RASL12: variants seen among roughly 807,000 people sequenced by gnomAD.
RASL12 encodes ras-like protein family member 12.
In RASL12, 16 loss-of-function variants were observed where a neutral mutation model predicts 22.9. That is an observed-to-expected ratio of 0.70 (90% CI 0.47 to 1.06). The LOEUF (loss-of-function observed/expected upper bound fraction) is 1.06, where lower values mean the gene tolerates loss of function less well. Ranked by LOEUF, RASL12 falls within the 50% of genes least tolerant of loss-of-function variation. RASL12 has a pLI of 0.00. For missense variants in RASL12, 306 were observed against 353.1 expected, an observed-to-expected ratio of 0.87 and a Z score of 1.07; for synonymous variants, 159 against 152.2, an observed-to-expected ratio of 1.04 and a Z score of -0.33.
chr15:65,076,495 C>G (rs1295734294), intron 1 of RASL12: 1 of 682,796 alleles, frequency 1.5e-6, no homozygotes, highest in South Asian at 1.6e-5. Context: ...AGGACAGACT[C>G]CAGACACGCT....
downstream of RASL12, chr15:65,053,156 G>A: frequency 6.2e-7 from 1 of 1,613,878 alleles, no homozygotes; most frequent in South Asian, 1.1e-5. Flanking sequence ...ACCAGAAACT[G>A]AGAGCTAGTG....
chr15:65,074,699 C>G (rs1415073320), intron 1 of RASL12, among the ~76,000 whole-genome samples: 2 of 152,220 alleles, frequency 1.3e-5, no homozygotes, highest in East Asian at 3.8e-4. Flanking sequence ...TCCTGGCCTA[C>G]TGGTCCCATT....
At chr15:65,068,063 G>C (rs1169957636), upstream of RASL12, 7 of 1,087,100 alleles carry the variant, frequency 6.4e-6, no homozygotes, top group African/African-American at 1.2e-4. This position sits in a 1 kb window ranked among gnomAD's most constrained non-coding sequence, Gnocchi z 4.2. Context: ...CAAATTCCTT[G>C]TAAGGGCTGC....
At chr15:65,060,442 T>C (rs1414603225) in intron 2 of RASL12, among the ~76,000 whole-genome samples, 3 of 152,242 alleles carry the variant, frequency 2.0e-5, no homozygotes, top group Admixed American at 6.5e-5. Flanking sequence ...GAAATTTACA[T>C]TGATACCATA....
chr15:65,065,309 C>T (rs1269993821), intron 1 of RASL12, 36 bp from the exon 2 acceptor site: 23 of 1,596,052 alleles, frequency 1.4e-5, no homozygotes, highest in Admixed American at 3.5e-5. Context: ...TCCATCTCCG[C>T]GGCCATGTCT....
At chr15:65,052,673 A>G (rs528034721), downstream of RASL12, among the ~76,000 whole-genome samples, 50 of 152,232 alleles carry the variant, frequency 3.3e-4, no homozygotes, top group African/African-American at 1.2e-3. Context: ...CTGGGATTAC[A>G]GGTGTGAGCC....
At position 65,054,942 on chromosome 15, in the gene RASL12, T is replaced by C. The variant is rs750146502; in HGVS notation, c.758A>G (p.Lys253Arg). The stretch of plus-strand genomic sequence containing the variant: ...CTTCAGGAGAGTCAGGGTAGGCGCC[T>C]TGCGCTTGCTCTGGGCCCGGGATGA... ...VKSSRAQSKR[K>R]APTLTLLKGF... Residue 253 changes from lysine to arginine, a missense_variant, in exon 5 of 5, where the codon AAG (lysine) becomes AGG (arginine). Coordinates refer to ENST00000220062, the MANE Select transcript of RASL12 (RefSeq NM_016563.4). 2.5e-6 allele frequency: 4 copies of C among 1,614,182 alleles called. No individual in the cohort carries two copies. The South Asian group carries it at 3.3e-5, about 13-fold the overall frequency.
At chr15:65,074,167 C>G (rs149046312) in intron 1 of RASL12, among the ~76,000 whole-genome samples, 24 of 137,418 alleles carry the variant, frequency 1.7e-4, no homozygotes, top group African/African-American at 6.1e-4. Context: ...GGTCCTGTAC[C>G]CCAGCCTGGC....
chr15:65,053,035 C>G (rs751403585), downstream of RASL12: 14 of 1,614,054 alleles, frequency 8.7e-6, no homozygotes, highest in Non-Finnish European at 1.1e-5. Flanking sequence ...CCAAGGATCA[C>G]AACAGCCTAA....
downstream of RASL12, among the ~76,000 whole-genome samples, chr15:65,050,833 C>CTT (rs67418433): frequency 0.33 from 29,106 of 87,506 alleles, 5,615 homozygotes; most frequent in South Asian, 0.44. Context: ...TCTTCTTCTT[C>CTT]TTCTTTTTTT....
At chr15:65,052,399 CTTTT>C (rs34021026), downstream of RASL12, among the ~76,000 whole-genome samples, 382 of 76,366 alleles carry the variant, frequency 5.0e-3, 1 homozygote, top group African/African-American at 0.018. Context: ...GCATCCTTGG[CTTTT>C]TTTTTTTTTT....
chr15:65,057,625 C>G (rs2086748572), intron 4 of RASL12, among the ~76,000 whole-genome samples: 1 of 152,210 alleles, frequency 6.6e-6, no homozygotes, highest in Non-Finnish European at 1.5e-5. Context: ...CCAACCCTTT[C>G]TAAGAGAACC....
chr15:65,067,861 G>A lies in RASL12; in HGVS notation c.-26C>T, dbSNP rs1422576651. The A allele has an allele frequency of 2.1e-6, 3 of 1,459,424 alleles. No individual in the cohort carries two copies. Among genetic ancestry groups the A allele is most frequent in the African/African-American group, 3.0e-5 (2 of 67,480 alleles). The allele number at this position is 1,459,424 out of a possible 1,614,324, so 90.4% of individuals were successfully genotyped here. ...GGCGACGCCCTGGACGGCCACGCAG[G>A]TCTGCGGCCGGTGGGCCCCGCGCAG... is the stretch of plus-strand genomic sequence containing the variant. On this transcript the variant is annotated 5_prime_UTR_variant, in exon 1 of 5. Coordinates refer to ENST00000220062, the MANE Select transcript of RASL12 (RefSeq NM_016563.4).
exon 1 of RASL12, chr15:65,076,536 G>A: frequency 1.4e-6 from 1 of 700,602 alleles, no homozygotes; most frequent in East Asian, 2.7e-5. Flanking sequence ...CACCTCGAGG[G>A]TCCGCGGCTT....
At chr15:65,061,291 A>G (rs1327021185) in intron 2 of RASL12, among the ~76,000 whole-genome samples, 1 of 152,226 alleles carries the variant, frequency 6.6e-6, no homozygotes, top group Non-Finnish European at 1.5e-5. Flanking sequence ...TGTGTTCACA[A>G]TGGGACCCCC....
rs181941720 is a variant in RASL12, at chr15:65,075,504, G to A, written c.70+1025C>T. On this transcript the variant is annotated intron_variant, in intron 1 of 4. Coordinates refer to the RASL12 transcript ENST00000434605. The stretch of plus-strand genomic sequence containing the variant: ...CTGGGCTCCTGAGTCTGGTGGGGAC[G>A]TGGAGAGTCTTTATGTCTAGCTCAG... Among the ~76,000 whole-genome samples, 598 of 152,330 alleles carry A rather than the reference G, an allele frequency of 3.9e-3. 2 individuals are homozygous for A. Among genetic ancestry groups the A allele is most frequent in the East Asian group, 0.011 (56 of 5,180 alleles).
downstream of RASL12, chr15:65,051,487 G>A: frequency 6.2e-7 from 1 of 1,610,792 alleles, no homozygotes; most frequent in Non-Finnish European, 8.5e-7. Flanking sequence ...CCATTCCTCA[G>A]GGCTCTGTCC....
At chr15:65,059,250 C>T in intron 3 of RASL12, 95 bp downstream of exon 3, 2 of 1,055,192 alleles carry the variant, frequency 1.9e-6, no homozygotes, top group South Asian at 2.6e-5. Context: ...TAAAAGGCAT[C>T]TAAATGCCTA....
At chr15:65,076,608 G>A in exon 1 of RASL12, 1 of 703,370 alleles carries the variant, frequency 1.4e-6, no homozygotes, top group Non-Finnish European at 2.6e-6. Flanking sequence ...TTTCTTCTAA[G>A]GATATGAGTG....
Sources: gnomAD v4.1 joint callset for allele counts (sites outside exome capture counted in the v4.1 genomes callset) on GRCh38, gnomAD v4.1.1 for gene constraint, Gnocchi (gnomAD v3.1) non-coding constraint, MANE v1.5 for transcripts, NCBI Gene and HGNC (gene_info 2026-07-23, HGNC 2026-07-21) for gene names.